The following GNAQ variants were observed in gnomAD, a reference collection of about 807,000 sequenced individuals.
The protein encoded by GNAQ is G protein subunit alpha q, also known as guanine nucleotide-binding protein G(q) subunit alpha.
GNAQ carries 8 observed loss-of-function variants against 43.9 expected under a neutral mutation model. That is an observed-to-expected ratio of 0.18 (90% confidence interval 0.11 to 0.33). GNAQ has a LOEUF of 0.33. Ranked by LOEUF, GNAQ falls within the 10% of genes least tolerant of loss-of-function variation. The pLI is 1.00. For missense variants in GNAQ, 158 were observed against 450.8 expected (o/e 0.35, Z 5.88); for synonymous variants, 155 against 170.7 (o/e 0.91, Z 0.71).
chr9:77,754,845 G>C (rs1312351849), intron 5 of GNAQ, among the ~76,000 whole-genome samples: 1 of 152,124 alleles, frequency 6.6e-6, no homozygotes, highest in Non-Finnish European at 1.5e-5. Context: ...ACTAAAAATA[G>C]AGCTACCATA....
At chr9:78,027,769 G>C (rs1384254007) in intron 1 of GNAQ, among the ~76,000 whole-genome samples, 58 of 138,794 alleles carry the variant, frequency 4.2e-4, no homozygotes, top group Non-Finnish European at 2.8e-4. Context: ...AAAAAAAAAA[G>C]ACTGGCCTAA....
intron 1 of GNAQ, among the ~76,000 whole-genome samples, chr9:78,022,288 G>T (rs1019467164): frequency 2.0e-5 from 3 of 152,098 alleles, no homozygotes; most frequent in African/African-American, 7.2e-5. Context: ...AGCTGCAAAG[G>T]GGAAGGAGAA....
At chr9:77,852,266 T>C (rs941412474) in intron 2 of GNAQ, among the ~76,000 whole-genome samples, 5 of 152,194 alleles carry the variant, frequency 3.3e-5, no homozygotes, top group African/African-American at 4.8e-5. Flanking sequence ...CCATTCTGCC[T>C]CATCCTCATT....
chr9:77,949,168 A>C (rs1822944172), intron 1 of GNAQ, among the ~76,000 whole-genome samples: 1 of 152,178 alleles, frequency 6.6e-6, no homozygotes, highest in South Asian at 2.1e-4. Flanking sequence ...AGAAATACTA[A>C]GCGGCAAAAC....
intron 2 of GNAQ, among the ~76,000 whole-genome samples, chr9:77,875,721 A>G (rs1488953725): frequency 1.3e-5 from 2 of 152,182 alleles, no homozygotes; most frequent in African/African-American, 4.8e-5. Context: ...CATGCACCCA[A>G]TGGGAATTGC....
chr9:77,853,351 A>C (rs928740684), intron 2 of GNAQ, among the ~76,000 whole-genome samples: 1 of 152,184 alleles, frequency 6.6e-6, no homozygotes, highest in Non-Finnish European at 1.5e-5. Context: ...GGCTACATGA[A>C]ATGATGTATA....
chr9:77,801,878 A>G (rs999481751), intron 3 of GNAQ, among the ~76,000 whole-genome samples: 1 of 152,172 alleles, frequency 6.6e-6, no homozygotes, highest in Non-Finnish European at 1.5e-5. Context: ...TTTATAGACC[A>G]CGAACGACAT....
intron 5 of GNAQ, among the ~76,000 whole-genome samples, chr9:77,755,878 G>T (rs1056671127): frequency 6.6e-6 from 1 of 152,158 alleles, no homozygotes; most frequent in Non-Finnish European, 1.5e-5. Flanking sequence ...TTGGATTGAA[G>T]GATGCAAAGT....
chr9:77,938,761 T>C (rs1280180099), intron 1 of GNAQ, among the ~76,000 whole-genome samples: 1 of 152,210 alleles, frequency 6.6e-6, no homozygotes, highest in African/African-American at 2.4e-5. Context: ...CTTTTAGCTG[T>C]GTTACGTTGT....
chr9:77,979,563 C>G (rs73459749), intron 1 of GNAQ, among the ~76,000 whole-genome samples: 174 of 151,990 alleles, frequency 1.1e-3, no homozygotes, highest in African/African-American at 4.0e-3. Context: ...GAACAGTTAA[C>G]GAGCTAAACA....
At chr9:77,897,168 G>A (rs1252377119) in intron 2 of GNAQ, among the ~76,000 whole-genome samples, 2 of 152,204 alleles carry the variant, frequency 1.3e-5, no homozygotes, top group Non-Finnish European at 2.9e-5. Context: ...TGGAGTTTGG[G>A]GAATTAGTAG....
chr9:77,934,822 TA>T (rs1375641334), intron 1 of GNAQ, among the ~76,000 whole-genome samples: 1 of 152,172 alleles, frequency 6.6e-6, no homozygotes, highest in East Asian at 1.9e-4. Context: ...TGGCATCTAA[TA>T]GTCAGTTAAA....
rs182652205 is a variant in GNAQ, at chr9:77,972,825, C to T, written c.137-50480G>A. Among the ~76,000 whole-genome samples, 535 of 151,804 alleles carry T rather than the reference C, an allele frequency of 3.5e-3. 5 individuals are homozygous for T. The highest frequency in any genetic ancestry group is 0.013 in the African/African-American group (519 of 41,366). On this transcript the variant is annotated intron_variant, in intron 1 of 6. Coordinates refer to ENST00000286548, the MANE Select transcript of GNAQ (RefSeq NM_002072.5). Reference sequence around the variant, plus strand: ...AAAATTAGCCGGGCGTGGTGGTGGGCACCTGTAATCTCAGCTACTCAAGAG... The same window carrying T: ...AAAATTAGCCGGGCGTGGTGGTGGGTACCTGTAATCTCAGCTACTCAAGAG...
chr9:77,798,820 A>G (rs1018006775), intron 3 of GNAQ, among the ~76,000 whole-genome samples: 1 of 152,202 alleles, frequency 6.6e-6, no homozygotes, highest in Admixed American at 6.5e-5. Context: ...TTTTTGATCC[A>G]TAAGTTGTTG....
chr9:77,915,633 T>C (rs74869507), intron 2 of GNAQ, among the ~76,000 whole-genome samples: 9,348 of 148,838 alleles, frequency 0.063, 330 homozygotes, highest in African/African-American at 0.079. Flanking sequence ...GTTAAAACAA[T>C]TGAAGCTGGC....
intron 2 of GNAQ, among the ~76,000 whole-genome samples, chr9:77,835,636 A>G (rs1564125484): frequency 6.6e-6 from 1 of 152,186 alleles, no homozygotes; most frequent in Admixed American, 6.5e-5. Context: ...CAGTTAACAC[A>G]GAGTATGCAT....
chr9:77,890,289 CATA>C (rs1464282483), intron 2 of GNAQ, among the ~76,000 whole-genome samples: 1 of 152,148 alleles, frequency 6.6e-6, no homozygotes, highest in Non-Finnish European at 1.5e-5. Flanking sequence ...TGAAAGACTT[CATA>C]ATAATTTATC....
At chr9:77,911,476 A>G (rs1014767565) in intron 2 of GNAQ, among the ~76,000 whole-genome samples, 21 of 152,354 alleles carry the variant, frequency 1.4e-4, no homozygotes, top group African/African-American at 4.8e-4. Context: ...ATAATTTTAC[A>G]TACCAGGATT....
At chr9:77,728,395 A>C in intron 6 of GNAQ, 119 bp downstream of exon 6, 1 of 728,678 alleles carries the variant, frequency 1.4e-6, no homozygotes, top group African/African-American at 1.8e-5. Context: ...CAGTTTCAAC[A>C]CGCAGGCTGC....
Sources: gnomAD v4.1 joint callset for allele counts (sites outside exome capture counted in the v4.1 genomes callset) on GRCh38, gnomAD v4.1.1 for gene constraint, MANE v1.5 for transcripts, NCBI Gene and HGNC (gene_info 2026-07-23, HGNC 2026-07-21) for gene names.